Variants in SIGLEC7 observed in about 807,000 individuals in gnomAD.
The protein encoded by SIGLEC7 is sialic acid binding Ig like lectin 7.
A neutral mutation model predicts 40.8 loss-of-function variants in SIGLEC7; 33 were observed. The ratio of observed to expected loss-of-function variants is 0.81; its 90% confidence interval spans 0.61 to 1.08. The LOEUF (loss-of-function observed/expected upper bound fraction) is 1.08, where lower values mean the gene tolerates loss of function less well. Ranked by LOEUF, SIGLEC7 falls within the 50% of genes least tolerant of loss-of-function variation. The probability of loss-of-function intolerance (pLI) is 0.00; values close to 1 mark genes in which losing one functional copy is unlikely to be tolerated. For missense variants in SIGLEC7, 513 were observed against 576.1 expected (o/e 0.89, Z 1.12); for synonymous variants, 242 against 237.6 (o/e 1.02, Z -0.17).
At chr19:51,148,753 G>A (rs1433075114) in intron 6 of SIGLEC7, among the ~76,000 whole-genome samples, 1 of 152,128 alleles carries the variant, frequency 6.6e-6, no homozygotes, top group African/African-American at 2.4e-5. Context: ...AGCTCTTCAG[G>A]AAATTACCAT....
At chr19:51,146,654 G>C (rs2092110000) in intron 4 of SIGLEC7, 100 bp from the exon 5 acceptor site, 4 of 967,510 alleles carry the variant, frequency 4.1e-6, no homozygotes, top group Non-Finnish European at 6.3e-6. Flanking sequence ...TCTGGGAAGG[G>C]GGATTAGGGT....
chr19:51,145,098 A>G lies in SIGLEC7; in HGVS notation c.760+139A>G, dbSNP rs2092099032. The G allele has an allele frequency of 3.4e-5, 28 of 817,172 alleles. No individual in the cohort carries two copies. The South Asian group carries it at 3.9e-4, about 11-fold the overall frequency. 50.6% of individuals were successfully genotyped at this position (817,172 alleles called of 1,614,324 possible). Reference sequence around the variant, plus strand: ...GAACCCAGGCCTCCTCCCCATCCTTAGCCTCTGTGGCCACCTGAGCACCTG... The same window carrying G: ...GAACCCAGGCCTCCTCCCCATCCTTGGCCTCTGTGGCCACCTGAGCACCTG... On this transcript the variant is annotated intron_variant, in intron 3 of 6. Coordinates refer to ENST00000317643, the MANE Select transcript of SIGLEC7 (RefSeq NM_014385.4). This position sits in a 1 kb window ranked among gnomAD's most constrained non-coding sequence, Gnocchi z 4.3.
At chr19:51,150,099 A>G (rs889620924) in intron 6 of SIGLEC7, among the ~76,000 whole-genome samples, 2 of 152,216 alleles carry the variant, frequency 1.3e-5, no homozygotes, top group African/African-American at 4.8e-5. Flanking sequence ...AAAGAGGGAT[A>G]GTTTAAATTC....
In SIGLEC7 at chr19:51,153,256, A is replaced by G. The variant is rs772124283; in HGVS notation, c.*11A>G. Reference sequence around the variant, plus strand: ...AAGATCCCCAAGTAAGAAAATGCAGAGGCTCGGGCTTGTTTGAGGGTTCAC... The same window carrying G: ...AAGATCCCCAAGTAAGAAAATGCAGGGGCTCGGGCTTGTTTGAGGGTTCAC... On this transcript the variant is annotated 3_prime_UTR_variant, in exon 7 of 7. Coordinates refer to ENST00000317643, the MANE Select transcript of SIGLEC7 (RefSeq NM_014385.4). The G allele has an allele frequency of 2.0e-5, 31 of 1,544,712 alleles. No homozygotes were observed. Among genetic ancestry groups the G allele is most frequent in the Non-Finnish European group, 2.6e-5 (30 of 1,142,892 alleles).
chr19:51,146,988 A>G, intron 5 of SIGLEC7, 138 bp downstream of exon 5: 1 of 1,029,546 alleles, frequency 9.7e-7, no homozygotes, highest in Non-Finnish European at 1.4e-6. Flanking sequence ...GCGTGGCAAG[A>G]ATTTCAAGAG....
At chr19:51,143,398 G>A (rs186388823) in intron 1 of SIGLEC7, among the ~76,000 whole-genome samples, 2 of 152,260 alleles carry the variant, frequency 1.3e-5, no homozygotes, top group Admixed American at 1.3e-4. Context: ...ACATTTAGAT[G>A]CTCAAAAGAC....
In SIGLEC7 at chr19:51,144,114, A is replaced by T. The variant is rs911000334; in HGVS notation, c.434-292A>T. The T allele has an allele frequency of 4.4e-6, 3 of 682,646 alleles. No individual in the cohort carries two copies. In the African/African-American group the frequency reaches 5.3e-5, roughly 12 times the overall value. The allele number at this position is 682,646 out of a possible 1,614,324, so 42.3% of individuals were successfully genotyped here. The stretch of plus-strand genomic sequence containing the variant: ...TCCCTGAGCATCAGAGATGCCAGGA[A>T]GGGGGATTTGAGGAACTACTACTTC... On this transcript the variant is annotated intron_variant, in intron 1 of 6. Coordinates refer to ENST00000317643, the MANE Select transcript of SIGLEC7 (RefSeq NM_014385.4).
rs932515508 is a variant in SIGLEC7, at chr19:51,142,876, A to G, written c.433+74A>G. On this transcript the variant is annotated intron_variant, in intron 1 of 6. Coordinates refer to ENST00000317643, the MANE Select transcript of SIGLEC7 (RefSeq NM_014385.4). The surrounding 1 kb of genome is among the most constrained non-coding windows in gnomAD (Gnocchi z 5.0). ...TTAGGGCACGGCTGAGACGGGACACATGTCCTGGGAGGGGGCCGGGGGTGA... is the reference window on the plus strand; with the variant it reads ...TTAGGGCACGGCTGAGACGGGACACGTGTCCTGGGAGGGGGCCGGGGGTGA... 1 of 1,457,166 alleles carries G rather than the reference A, an allele frequency of 6.9e-7. No individual in the cohort carries two copies. The highest frequency in any genetic ancestry group is 1.8e-4 in the Middle Eastern group (1 of 5,502). The allele number at this position is 1,457,166 out of a possible 1,614,324, so 90.3% of individuals were successfully genotyped here.
At chr19:51,144,288 G>A (rs1006318160) in intron 1 of SIGLEC7, 118 bp from the exon 2 acceptor site, 1 of 1,497,046 alleles carries the variant, frequency 6.7e-7, no homozygotes, top group Non-Finnish European at 8.9e-7. Flanking sequence ...TGCCCTGGGA[G>A]AGGGCTGAGG....
chr19:51,145,794 G>A lies in SIGLEC7; in HGVS notation c.761-61G>A, dbSNP rs1461629719. ...CTGTTCCATTCCCCAGTCTCATTCT[G>A]TATCCTTCCTCCCTGTTTCAATCAC... On this transcript the variant is annotated intron_variant, in intron 3 of 6. Coordinates refer to ENST00000317643, the MANE Select transcript of SIGLEC7 (RefSeq NM_014385.4). This position sits in a 1 kb window ranked among gnomAD's most constrained non-coding sequence, Gnocchi z 4.3. The A allele has an allele frequency of 8.8e-6, 14 of 1,585,034 alleles. No individual in the cohort carries two copies. The highest frequency in any genetic ancestry group is 1.8e-4 in the Middle Eastern group (1 of 5,438).
intron 6 of SIGLEC7, among the ~76,000 whole-genome samples, chr19:51,151,248 G>A (rs750108167): frequency 2.0e-5 from 3 of 152,166 alleles, no homozygotes; most frequent in Non-Finnish European, 4.4e-5. Context: ...CACAGAAAGG[G>A]AGCAAGAATT....
rs752427159 is a variant in SIGLEC7 at position 51,142,650 on chromosome 19, G to A, written c.281G>A (p.Arg94Gln). 7.4e-6 allele frequency: 12 copies of A among 1,614,030 alleles called. No homozygotes were observed. Among genetic ancestry groups the A allele is most frequent in the South Asian group, 5.5e-5 (5 of 91,092 alleles). Residue 94 changes from arginine (R) to glutamine (Q), a missense_variant, in exon 1 of 7, where the codon CGA becomes CAA. Transcript: ENST00000317643. The surrounding 1 kb of genome is among the most constrained non-coding windows in gnomAD (Gnocchi z 5.0). Reference protein sequence around the residue: ...AWAVQEETRDRFHLLGDPQTK... With the variant: ...AWAVQEETRDQFHLLGDPQTK... ...GCAGTGCAGGAGGAAACTCGGGACC[G>A]ATTCCACCTCCTTGGGGACCCACAG...
chr19:51,143,915 G>A, intron 1 of SIGLEC7: 1 of 461,608 alleles, frequency 2.2e-6, no homozygotes, highest in Admixed American at 2.5e-5. Context: ...GCCCTGCAGT[G>A]TCCTTTAACC....
At chr19:51,147,586 T>C (rs1329011826) in intron 6 of SIGLEC7, among the ~76,000 whole-genome samples, 1 of 152,104 alleles carries the variant, frequency 6.6e-6, no homozygotes, top group African/African-American at 2.4e-5. Context: ...CCAAATCTTG[T>C]CCATTTTTCC....
At chr19:51,144,312 G>A (rs2092090622) in intron 1 of SIGLEC7, 94 bp from the exon 2 acceptor site, 2 of 1,513,472 alleles carry the variant, frequency 1.3e-6, no homozygotes, top group South Asian at 1.3e-5. Flanking sequence ...AAGCGAGTTG[G>A]GCTCAGGGCA....
chr19:51,152,713 G>A (rs1350273581), intron 6 of SIGLEC7, among the ~76,000 whole-genome samples: 2 of 152,200 alleles, frequency 1.3e-5, no homozygotes, highest in Non-Finnish European at 2.9e-5. Context: ...TTCACACACA[G>A]AGGGCCCCAG....
Position 51,145,980 on chromosome 19 carries a change from T to C in SIGLEC7, c.886T>C (p.Tyr296His), listed in dbSNP as rs1476668087. Residue 296 changes from tyrosine to histidine, a missense_variant, in exon 4 of 7, where the codon TAC becomes CAC. Physicochemically the swap from Tyr to His is moderately conservative, Grantham distance 83. Coordinates refer to ENST00000317643, the MANE Select transcript of SIGLEC7 (RefSeq NM_014385.4). This position sits in a 1 kb window ranked among gnomAD's most constrained non-coding sequence, Gnocchi z 4.3. ...CTGGACCTGGAGGAGTCTGACCCTG[T>C]ACCCCTCACAGCCCTCAAACCCTCT... is the stretch of plus-strand genomic sequence containing the variant. ...LSWTWRSLTL[Y>H]PSQPSNPLVL... is the part of the protein sequence containing the mutation. 2 of 1,614,088 alleles carry C rather than the reference T, an allele frequency of 1.2e-6. No homozygotes were observed. The highest frequency in any genetic ancestry group is 1.3e-5 in the African/African-American group (1 of 74,930).
Position 51,144,703 on chromosome 19 carries a change from C to A in SIGLEC7, c.712+19C>A. The A allele has an allele frequency of 6.2e-7, 1 of 1,609,166 alleles. No individual in the cohort carries two copies. The highest frequency in any genetic ancestry group is 1.7e-4 in the Middle Eastern group (1 of 6,018). On this transcript the variant is annotated intron_variant, in intron 2 of 6. Transcript: ENST00000317643. ...GTGTCCTGTGAGTGCTGAGCCAGGA[C>A]GCCCTGGTCCCTGATGAGGGGGGGA...
intron 1 of SIGLEC7, 146 bp from the exon 2 acceptor site, chr19:51,144,260 A>G: frequency 7.6e-7 from 1 of 1,322,638 alleles, no homozygotes; most frequent in South Asian, 1.4e-5. Flanking sequence ...TGGCAGCGAA[A>G]GCCTGGGATG....
Sources: allele counts gnomAD v4.1 joint callset (sites outside exome capture counted in the v4.1 genomes callset), GRCh38; gene constraint gnomAD v4.1.1; non-coding constraint Gnocchi (gnomAD v3.1); transcripts MANE v1.5; gene names NCBI Gene and HGNC (gene_info 2026-07-23, HGNC 2026-07-21).